MINPP1: variants seen among roughly 807,000 people sequenced by gnomAD.
MINPP1 encodes the protein multiple inositol polyphosphate phosphatase 1.
A neutral mutation model predicts 46.1 loss-of-function variants in MINPP1; 28 were observed. The ratio of observed to expected loss-of-function variants is 0.61; its 90% CI spans 0.45 to 0.83. The LOEUF (loss-of-function observed/expected upper bound fraction) is 0.83, where lower values mean the gene tolerates loss of function less well. Among genes scored for constraint, MINPP1 ranks in the 40% least tolerant of loss-of-function variants. The pLI, the probability that MINPP1 is intolerant of heterozygous loss-of-function variation, is 0.00. For synonymous variants in MINPP1, 268 were observed against 249.1 expected (o/e 1.08, Z -0.72); for missense variants, 603 against 610.0 (o/e 0.99, Z 0.12).
intron 3 of MINPP1, among the ~76,000 whole-genome samples, chr10:87,514,416 GTTTGC>G (rs1332849742): frequency 6.6e-6 from 1 of 151,978 alleles, no homozygotes; most frequent in Non-Finnish European, 1.5e-5. Context: ...GCTGTTTTTT[GTTTGC>G]TTTGTTTTAT....
chr10:87,544,352 T>A (rs2131840387), intron 4 of MINPP1, among the ~76,000 whole-genome samples: 1 of 152,360 alleles, frequency 6.6e-6, no homozygotes, highest in East Asian at 1.9e-4. Flanking sequence ...CTCCACATTT[T>A]CAGCTGTCCA....
chr10:87,536,335 A>G (rs1851735218), intron 4 of MINPP1, among the ~76,000 whole-genome samples: 1 of 152,228 alleles, frequency 6.6e-6, no homozygotes, highest in South Asian at 2.1e-4. Flanking sequence ...TCTTTGAAGT[A>G]GGCTACCAAA....
intron 4 of MINPP1, among the ~76,000 whole-genome samples, chr10:87,546,170 T>C (rs7913989): frequency 0.026 from 3,999 of 152,346 alleles, 170 homozygotes; most frequent in African/African-American, 0.087. Flanking sequence ...ATTAATCGTA[T>C]GCTAAACAAG....
chr10:87,514,535 C>T (rs1245354999), intron 3 of MINPP1, among the ~76,000 whole-genome samples: 1 of 152,098 alleles, frequency 6.6e-6, no homozygotes, highest in Non-Finnish European at 1.5e-5. Context: ...GTCCTTCGTA[C>T]ATTGGCGTTT....
At chr10:87,530,943 G>A (rs1251683154) in intron 4 of MINPP1, among the ~76,000 whole-genome samples, 3 of 152,156 alleles carry the variant, frequency 2.0e-5, no homozygotes, top group Admixed American at 6.5e-5. Flanking sequence ...CTTGCAATTC[G>A]ATTTCAGGCT....
rs1180350558 is a variant in MINPP1 at position 87,553,132 on chromosome 10, G to C, written c.*654G>C. ...AATAATTCCTTTTTACTTCTAGGAAGTCTCAAAAGACCATCTTAAATTATT... is the reference window on the plus strand; with the variant it reads ...AATAATTCCTTTTTACTTCTAGGAACTCTCAAAAGACCATCTTAAATTATT... On this transcript the variant is annotated 3_prime_UTR_variant, in exon 5 of 5. Transcript: ENST00000371996. 2.6e-4 allele frequency: 39 copies of C among 152,092 alleles called. No homozygotes were observed. Among genetic ancestry groups the C allele is most frequent in the Admixed American group, 2.5e-3 (38 of 15,240 alleles). 9.4% of individuals were successfully genotyped at this position (152,092 alleles called of 1,614,324 possible).
At chr10:87,527,518 A>G (rs1051446698) in intron 4 of MINPP1, among the ~76,000 whole-genome samples, 1 of 152,182 alleles carries the variant, frequency 6.6e-6, no homozygotes, top group Non-Finnish European at 1.5e-5. Context: ...TTCTGCATCT[A>G]TTGAGATAAT....
At chr10:87,515,964 G>T (rs2131809102) in intron 3 of MINPP1, among the ~76,000 whole-genome samples, 1 of 151,784 alleles carries the variant, frequency 6.6e-6, no homozygotes, top group South Asian at 2.1e-4. Flanking sequence ...CAGTAGCTGG[G>T]ATTACAGGCA....
In MINPP1 at chr10:87,509,240, C is replaced by T. The variant is rs146304541; in HGVS notation, c.835+707C>T. ...CATAGGGTAGATGTTGACAAAGATA[C>T]ATGCAAAGATTGTAGATTACATTAT... On this transcript the variant is annotated intron_variant, in intron 2 of 4. Coordinates refer to ENST00000371996, the MANE Select transcript of MINPP1 (RefSeq NM_004897.5). 4.0e-3 allele frequency among the ~76,000 whole-genome samples: 615 copies of T among 152,248 alleles called. 2 individuals carry two copies. Among genetic ancestry groups the T allele is most frequent in the South Asian group, 9.5e-3 (46 of 4,826 alleles).
chr10:87,537,278 A>G (rs1159002751), intron 4 of MINPP1, among the ~76,000 whole-genome samples: 5 of 152,142 alleles, frequency 3.3e-5, no homozygotes, highest in Admixed American at 3.3e-4. Context: ...TTTTCCCACC[A>G]ATGTATGAGA....
intron 4 of MINPP1, among the ~76,000 whole-genome samples, chr10:87,529,779 G>C (rs1205416110): frequency 6.6e-6 from 1 of 152,142 alleles, no homozygotes; most frequent in East Asian, 1.9e-4. Flanking sequence ...AGTTCTCCTG[G>C]ATAACATCCT....
intron 4 of MINPP1, among the ~76,000 whole-genome samples, chr10:87,543,148 A>T (rs141467856): frequency 1.3e-5 from 2 of 152,276 alleles, no homozygotes; most frequent in African/African-American, 4.8e-5. Context: ...TACCCTCATC[A>T]GTTTTTCCTC....
At chr10:87,530,904 GGA>G (rs1021449262) in intron 4 of MINPP1, among the ~76,000 whole-genome samples, 1 of 152,094 alleles carries the variant, frequency 6.6e-6, no homozygotes, top group Non-Finnish European at 1.5e-5. Context: ...CAGCAATGGT[GGA>G]CGCCCTTCCC....
At chr10:87,550,053 A>G (rs767754844) in intron 4 of MINPP1, among the ~76,000 whole-genome samples, 1 of 152,192 alleles carries the variant, frequency 6.6e-6, no homozygotes, top group Non-Finnish European at 1.5e-5. Flanking sequence ...TGTAACAAGT[A>G]TATGCCCTCT....
At chr10:87,538,295 C>G (rs1037885422) in intron 4 of MINPP1, among the ~76,000 whole-genome samples, 2 of 152,090 alleles carry the variant, frequency 1.3e-5, no homozygotes, top group African/African-American at 4.8e-5. Context: ...ATTCTCACTC[C>G]CATCTCAGCT....
At chr10:87,509,407 C>G (rs979748411) in intron 2 of MINPP1, among the ~76,000 whole-genome samples, 2 of 152,156 alleles carry the variant, frequency 1.3e-5, no homozygotes, top group Non-Finnish European at 2.9e-5. Context: ...TTTTTTCTCT[C>G]TCTCCAAACT....
chr10:87,538,246 G>A (rs1851766521), intron 4 of MINPP1, among the ~76,000 whole-genome samples: 1 of 151,914 alleles, frequency 6.6e-6, no homozygotes, highest in Non-Finnish European at 1.5e-5. Flanking sequence ...CTCTTCTCAG[G>A]TACTCCTGCT....
chr10:87,522,910 T>G (rs1278923022), intron 4 of MINPP1, among the ~76,000 whole-genome samples: 1 of 152,264 alleles, frequency 6.6e-6, no homozygotes, highest in Non-Finnish European at 1.5e-5. Flanking sequence ...GTCACTGCTT[T>G]GTCACTGTCA....
intron 3 of MINPP1, among the ~76,000 whole-genome samples, chr10:87,515,910 C>T (rs1245763335): frequency 6.7e-6 from 1 of 149,564 alleles, no homozygotes; most frequent in Non-Finnish European, 1.5e-5. Context: ...CTCACTGCAA[C>T]CTCTGCCTCT....
Sources: allele counts gnomAD v4.1 joint callset (sites outside exome capture counted in the v4.1 genomes callset), GRCh38; gene constraint gnomAD v4.1.1; transcripts MANE v1.5; gene names NCBI Gene and HGNC (gene_info 2026-07-23, HGNC 2026-07-21).